Variants in PCDHGA1 observed in about 807,000 individuals in gnomAD.
The protein encoded by PCDHGA1 is protocadherin gamma subfamily A, 1, also known as protocadherin gamma-A1.
In PCDHGA1, 32 loss-of-function variants were observed where a neutral mutation model predicts 58.0. That is an observed-to-expected ratio of 0.55 (90% CI 0.42 to 0.74). The LOEUF (loss-of-function observed/expected upper bound fraction) is 0.74, where lower values mean the gene tolerates loss of function less well. Among genes scored for constraint, PCDHGA1 ranks in the 30% least tolerant of loss-of-function variants. The pLI is 0.00. For missense variants in PCDHGA1, 1,205 were observed against 1,182.3 expected, an observed-to-expected ratio of 1.02 and a Z score of -0.28; for synonymous variants, 498 against 501.1, an observed-to-expected ratio of 0.99 and a Z score of 0.08.
rs2099426122 is a variant in PCDHGA1 at position 141,477,960 on chromosome 5, A to C, written c.2422-16847A>C. On this transcript the variant is annotated intron_variant, in intron 1 of 3. Coordinates refer to ENST00000517417, the MANE Select transcript of PCDHGA1 (RefSeq NM_018912.3). This position sits in a 1 kb window ranked among gnomAD's most constrained non-coding sequence, Gnocchi z 4.9. ...TCCTACAGTCTCTTGGGATCCCCTAACCAGAGCCTTTTTGCCATAGGGCTG... is the reference window on the plus strand; with the variant it reads ...TCCTACAGTCTCTTGGGATCCCCTACCCAGAGCCTTTTTGCCATAGGGCTG... 1 of 1,613,952 alleles carries C rather than the reference A, an allele frequency of 6.2e-7. No individual in the cohort carries two copies. Among genetic ancestry groups the C allele is most frequent in the African/African-American group, 1.3e-5 (1 of 74,922 alleles).
chr5:141,375,511 A>C (rs372798366), intron 1 of PCDHGA1: 2 of 1,613,960 alleles, frequency 1.2e-6, no homozygotes, highest in South Asian at 2.2e-5. Flanking sequence ...CTGTGAATGC[A>C]CTGGACCCTG....
At position 141,511,436 on chromosome 5, in the gene PCDHGA1, T is replaced by C. The variant is rs1371734719; in HGVS notation, c.*263T>C. The C allele has an allele frequency of 1.5e-5, 11 of 718,486 alleles. No individual in the cohort carries two copies. The highest frequency in any genetic ancestry group is 2.2e-5 in the Non-Finnish European group (10 of 461,474). The allele number at this position is 718,486 out of a possible 1,614,324, so 44.5% of individuals were successfully genotyped here. The stretch of plus-strand genomic sequence containing the variant: ...ACCCATGGGGGTAGTGGGGTTACTG[T>C]AGACACCAAGAACCATTTGCCACAC... On this transcript the variant is annotated 3_prime_UTR_variant, in exon 4 of 4. Coordinates refer to ENST00000517417, the MANE Select transcript of PCDHGA1 (RefSeq NM_018912.3).
chr5:141,501,618 T>G (rs1307485559), intron 2 of PCDHGA1, among the ~76,000 whole-genome samples: 2 of 152,068 alleles, frequency 1.3e-5, no homozygotes, highest in African/African-American at 4.8e-5. Flanking sequence ...GTGACTCTGG[T>G]ATAGTCTCTC....
chr5:141,469,104 C>T (rs1046234848), intron 1 of PCDHGA1, among the ~76,000 whole-genome samples: 1 of 151,760 alleles, frequency 6.6e-6, no homozygotes, highest in Admixed American at 6.6e-5. Flanking sequence ...AAGCAAGAAC[C>T]TGTCTCTAAA....
intron 1 of PCDHGA1, chr5:141,422,638 T>G (rs1412270971): frequency 6.2e-7 from 1 of 1,612,392 alleles, no homozygotes. Context: ...CAGGGGTGCC[T>G]CCATCTTCTC....
chr5:141,370,278 A>G, intron 1 of PCDHGA1: 2 of 888,588 alleles, frequency 2.3e-6, no homozygotes, highest in Non-Finnish European at 3.4e-6. Flanking sequence ...GGAGACACCC[A>G]TTAGAGAACC....
chr5:141,502,655 C>T (rs72790073), intron 2 of PCDHGA1, among the ~76,000 whole-genome samples: 29,437 of 152,034 alleles, frequency 0.19, 2,877 homozygotes, highest in Middle Eastern at 0.24. Context: ...AGGCAGCAAC[C>T]CTTCATGCAA....
In PCDHGA1 at chr5:141,485,589, A is replaced by G. The variant is rs1407992185; in HGVS notation, c.2422-9218A>G. 6.2e-7 allele frequency: 1 copy of G among 1,612,610 alleles called. No homozygotes were observed. Among genetic ancestry groups the G allele is most frequent in the Non-Finnish European group, 8.5e-7 (1 of 1,178,834 alleles). On this transcript the variant is annotated intron_variant, in intron 1 of 3. Coordinates refer to ENST00000517417, the MANE Select transcript of PCDHGA1 (RefSeq NM_018912.3). The surrounding 1 kb of genome is among the most constrained non-coding windows in gnomAD (Gnocchi z 5.7). Reference sequence around the variant, plus strand: ...CCCCGTTTTCCGCGGCAGCAGCTGGACTTGGAAATTGGGGAGGCAGCTCCT... The same window carrying G: ...CCCCGTTTTCCGCGGCAGCAGCTGGGCTTGGAAATTGGGGAGGCAGCTCCT...
At chr5:141,354,578 T>C (rs1206175122) in intron 1 of PCDHGA1, among the ~76,000 whole-genome samples, 1 of 152,230 alleles carries the variant, frequency 6.6e-6, no homozygotes, top group African/African-American at 2.4e-5. Flanking sequence ...ACTGCATAAA[T>C]TGGGACTAAA....
At chr5:141,468,063 A>G (rs2099157033) in intron 1 of PCDHGA1, among the ~76,000 whole-genome samples, 1 of 152,064 alleles carries the variant, frequency 6.6e-6, no homozygotes, top group South Asian at 2.1e-4. Flanking sequence ...AGTGGCTCAC[A>G]CCTGTAATCC....
In PCDHGA1 at chr5:141,432,285, C is replaced by A; in HGVS notation, c.2422-62522C>A. On this transcript the variant is annotated intron_variant, in intron 1 of 3. Transcript: ENST00000517417. The surrounding 1 kb of genome is among the most constrained non-coding windows in gnomAD (Gnocchi z 6.0). ...CTATCGTCCTACGTGTCCATCAACTCCGACACTGGGGTACTGTATGCGCTG... is the reference window on the plus strand; with the variant it reads ...CTATCGTCCTACGTGTCCATCAACTACGACACTGGGGTACTGTATGCGCTG... The A allele has an allele frequency of 6.2e-7, 1 of 1,614,262 alleles. No homozygotes were observed. The highest frequency in any genetic ancestry group is 8.5e-7 in the Non-Finnish European group (1 of 1,180,052).
chr5:141,432,117 C>T lies in PCDHGA1; in HGVS notation c.2422-62690C>T, dbSNP rs761106133. The T allele has an allele frequency of 3.9e-5, 63 of 1,614,062 alleles. No individual in the cohort carries two copies. Among genetic ancestry groups the T allele is most frequent in the Non-Finnish European group, 4.2e-5 (50 of 1,180,048 alleles). On this transcript the variant is annotated intron_variant, in intron 1 of 3. Transcript: ENST00000517417. The surrounding 1 kb of genome is among the most constrained non-coding windows in gnomAD (Gnocchi z 6.0). ...ACCAACGACAACCCGCCGGTCTTCC[C>T]TCAGGCCTCCTATTCCGCTTATATC...
chr5:141,506,688 T>G (rs114532236), intron 3 of PCDHGA1, among the ~76,000 whole-genome samples: 2,113 of 152,334 alleles, frequency 0.014, 37 homozygotes, highest in African/African-American at 0.048. Flanking sequence ...TTATCTTTGC[T>G]GACCCAAACC....
At chr5:141,392,632 C>A in intron 1 of PCDHGA1, 1 of 610,258 alleles carries the variant, frequency 1.6e-6, no homozygotes, top group Non-Finnish European at 2.7e-6. Context: ...ACTCAGATCT[C>A]ACACCTCACG....
intron 1 of PCDHGA1, chr5:141,411,436 T>C (rs2095489663): frequency 6.7e-6 from 1 of 149,586 alleles, no homozygotes; most frequent in South Asian, 2.1e-4. Flanking sequence ...AAAAAAACAT[T>C]AGCAGAGTGT....
At chr5:141,397,810 A>G (rs2093570260) in intron 1 of PCDHGA1, among the ~76,000 whole-genome samples, 1 of 152,218 alleles carries the variant, frequency 6.6e-6, no homozygotes. Context: ...TAGGCACACA[A>G]AAACAATTAC....
chr5:141,431,960 T>C lies in PCDHGA1; in HGVS notation c.2422-62847T>C. On this transcript the variant is annotated intron_variant, in intron 1 of 3. Transcript: ENST00000517417. This position sits in a 1 kb window ranked among gnomAD's most constrained non-coding sequence, Gnocchi z 4.8. ...TAAATTAGAAAAATCTTACGGAAAT[T>C]ACTATAGTTTAGTCACAGACATAGT... The C allele has an allele frequency of 3.7e-6, 6 of 1,614,166 alleles. No individual in the cohort carries two copies. Among genetic ancestry groups the C allele is most frequent in the Non-Finnish European group, 5.1e-6 (6 of 1,180,034 alleles).
intron 3 of PCDHGA1, among the ~76,000 whole-genome samples, chr5:141,506,298 A>C (rs887906455): frequency 6.6e-6 from 1 of 151,936 alleles, no homozygotes; most frequent in Non-Finnish European, 1.5e-5. Context: ...AAAATACAAA[A>C]ATTAGCTGGG....
Position 141,511,285 on chromosome 5 carries a change from G to C in PCDHGA1, c.*112G>C. On this transcript the variant is annotated 3_prime_UTR_variant, in exon 4 of 4. Coordinates refer to ENST00000517417, the MANE Select transcript of PCDHGA1 (RefSeq NM_018912.3). Reference sequence around the variant, plus strand: ...GGGCTAACCCCCAGAATACTGGTAGGGGCCAAGGCCATGCTCCCCTTGGGA... The same window carrying C: ...GGGCTAACCCCCAGAATACTGGTAGCGGCCAAGGCCATGCTCCCCTTGGGA... 1 of 1,521,904 alleles carries C rather than the reference G, an allele frequency of 6.6e-7. No homozygotes were observed. The highest frequency in any genetic ancestry group is 8.8e-7 in the Non-Finnish European group (1 of 1,131,664). 94.3% of individuals were successfully genotyped at this position (1,521,904 alleles called of 1,614,324 possible).
Sources: allele counts gnomAD v4.1 joint callset (sites outside exome capture counted in the v4.1 genomes callset), GRCh38; gene constraint gnomAD v4.1.1; non-coding constraint Gnocchi (gnomAD v3.1); transcripts MANE v1.5; gene names NCBI Gene and HGNC (gene_info 2026-07-23, HGNC 2026-07-21).